PEX10: variants seen among roughly 807,000 people sequenced by gnomAD.
PEX10 encodes the protein peroxisomal biogenesis factor 10.
In PEX10, 32 loss-of-function variants were observed where a neutral mutation model predicts 38.0. That is an observed-to-expected ratio of 0.84 (90% confidence interval 0.63 to 1.13). The LOEUF is 1.13. Among genes scored for constraint, PEX10 ranks in the 50% most tolerant of loss-of-function variants. The pLI, the probability that PEX10 is intolerant of heterozygous loss-of-function variation, is 0.00. For missense variants in PEX10, 483 were observed against 457.7 expected (o/e 1.06, Z -0.51); for synonymous variants, 206 against 207.3 (o/e 0.99, Z 0.05).
upstream of PEX10, chr1:2,412,596 C>T (rs1046492921): frequency 1.4e-5 from 14 of 971,990 alleles, no homozygotes; most frequent in Middle Eastern, 3.7e-4. Flanking sequence ...GCTCTGCGTG[C>T]GGCGCAGACC....
chr1:2,412,823 G>T (rs1643311815), upstream of PEX10, among the ~76,000 whole-genome samples: 3 of 152,126 alleles, frequency 2.0e-5, no homozygotes, highest in African/African-American at 7.2e-5. Context: ...GGATGGGCTC[G>T]CGGCCGCGTG....
Position 2,405,312 on chromosome 1 carries a change from G to A in PEX10, c.*454C>T, listed in dbSNP as rs1215218702. The A allele has an allele frequency of 6.1e-6, 2 of 330,238 alleles. No individual in the cohort carries two copies. The highest frequency in any genetic ancestry group is 4.4e-5 in the Admixed American group (1 of 22,746). The allele number at this position is 330,238 out of a possible 1,614,324, so 20.5% of individuals were successfully genotyped here. ...GGCTGCTGTTCTCACTGCACTGGCT[G>A]AAGCAACCCGCCAGCCTCCGTGCCC... On this transcript the variant is annotated 3_prime_UTR_variant, in exon 6 of 6. Coordinates refer to ENST00000447513, the MANE Select transcript of PEX10 (RefSeq NM_002617.4).
Position 2,406,575 on chromosome 1 carries a change from G to C in PEX10, c.821C>G (p.Thr274Ser). The C allele has an allele frequency of 6.2e-7, 1 of 1,613,426 alleles. No homozygotes were observed. The highest frequency in any genetic ancestry group is 1.1e-5 in the South Asian group (1 of 91,084). The change falls in exon 5 of 6, where the codon ACC (threonine) becomes AGC (serine). Residue 274 changes from threonine (T) to serine (S), a missense_variant. Thr to Ser is a moderately conservative substitution (Grantham distance 58). Transcript: ENST00000447513. ...ERAVSRNPLCTLCLEERRHPT... is the reference protein window; with the variant it reads ...ERAVSRNPLCSLCLEERRHPT... ...GTGCCTGCGCTCCTCCAGGCACAGG[G>C]TGCACAGGGGGTTTCTGGAAACGGC...
At position 2,410,564 on chromosome 1, in the gene PEX10, G is replaced by A; in HGVS notation, c.113-113C>T. 1.1e-6 allele frequency: 1 copy of A among 889,456 alleles called. No individual in the cohort carries two copies. The highest frequency in any genetic ancestry group is 1.4e-5 in the South Asian group (1 of 71,008). 55.1% of individuals were successfully genotyped at this position (889,456 alleles called of 1,614,324 possible). ...CCAGATCCAGTCCCACCCCTTCCAT[G>A]AAGCCAACACTCACTCCCTGGCCTC... On this transcript the variant is annotated intron_variant, in intron 1 of 5. Transcript: ENST00000447513. This position sits in a 1 kb window ranked among gnomAD's most constrained non-coding sequence, Gnocchi z 5.1.
Position 2,409,792 on chromosome 1 carries a change from C to T in PEX10, c.193+579G>A, listed in dbSNP as rs866624096. On this transcript the variant is annotated intron_variant, in intron 2 of 5. Coordinates refer to ENST00000447513, the MANE Select transcript of PEX10 (RefSeq NM_002617.4). This position sits in a 1 kb window ranked among gnomAD's most constrained non-coding sequence, Gnocchi z 6.2. Reference sequence around the variant, plus strand: ...CTCTTCCCTAAGACGTGGTCTTTATCTCTGAGAGCCCCTCACTTCCCAAGA... The same window carrying T: ...CTCTTCCCTAAGACGTGGTCTTTATTTCTGAGAGCCCCTCACTTCCCAAGA... The T allele has an allele frequency of 6.3e-6, 1 of 157,762 alleles. No homozygotes were observed. Among genetic ancestry groups the T allele is most frequent in the South Asian group, 1.9e-4 (1 of 5,318 alleles). 9.8% of individuals were successfully genotyped at this position (157,762 alleles called of 1,614,324 possible). A position where few individuals can be genotyped will look rare whatever the true frequency, so the allele number is the denominator to read the frequency against.
Position 2,408,467 on chromosome 1 carries a change from G to A in PEX10, c.585C>T (p.Leu195=), listed in dbSNP as rs753617772. The part of the protein sequence containing the change: ...HGVFYHLAKR[L]TGITYLRVRS... ...TGCTACTTACGTACGTGATCCCCGT[G>A]AGCCTCTTGGCCAGGTGGTAGAAGA... Residue 195 remains leucine, a synonymous_variant, in exon 3 of 6, where the codon CTC becomes CTT. Transcript: ENST00000447513. The A allele has an allele frequency of 1.9e-6, 3 of 1,612,994 alleles. No individual in the cohort carries two copies. The South Asian group carries it at 3.3e-5, about 18-fold the overall frequency.
rs1642981160 is a variant in PEX10 at position 2,405,847 on chromosome 1, GAA to G, written c.913-15_913-14del. 1 of 1,581,822 alleles carries G rather than the reference GAA, an allele frequency of 6.3e-7. No individual in the cohort carries two copies. The highest frequency in any genetic ancestry group is 1.8e-5 in the Admixed American group (1 of 55,650). On this transcript the variant is annotated splice_polypyrimidine_tract_variant and intron_variant, in intron 5 of 5. Coordinates refer to ENST00000447513, the MANE Select transcript of PEX10 (RefSeq NM_002617.4). ...GGGGACACTCCGCCTGCGGAGAGGA[GAA>G]AGGGGGTCACAGCAGCTGGGGCCAC...
rs769251149 is a variant in PEX10, at chr1:2,406,606, C to T, written c.790G>A (p.Glu264Lys). 7 of 1,613,296 alleles carry T rather than the reference C, an allele frequency of 4.3e-6. No homozygotes were observed. Among genetic ancestry groups the T allele is most frequent in the African/African-American group, 1.3e-5 (1 of 74,944 alleles). ...GLSHRRASLEERAVSRNPLCT... is the reference protein window; with the variant it reads ...GLSHRRASLEKRAVSRNPLCT... ...AGGGGGTTTCTGGAAACGGCTCTCT[C>T]CTCCAAGGAGGCCCTGGGGAAGGTG... The change falls in exon 5 of 6, where the codon GAG becomes AAG. Residue 264 changes from glutamate (E) to lysine (K), a missense_variant. Coordinates refer to ENST00000447513, the MANE Select transcript of PEX10 (RefSeq NM_002617.4).
intron 3 of PEX10, among the ~76,000 whole-genome samples, chr1:2,407,842 G>T (rs1487144666): frequency 2.6e-5 from 4 of 152,162 alleles, no homozygotes; most frequent in Admixed American, 6.5e-5. Flanking sequence ...GGCTCTGGTG[G>T]GCCAGGGACT....
At position 2,410,367 on chromosome 1, in the gene PEX10, C is replaced by G; in HGVS notation, c.193+4G>C. ...CAGTCCTGAGGTCCCGTGGGAGCTT[C>G]TACCTGCAAGTGTGGTGAGGCCAAA... On this transcript the variant is annotated splice_donor_region_variant and intron_variant, in intron 2 of 5. Coordinates refer to ENST00000447513, the MANE Select transcript of PEX10 (RefSeq NM_002617.4). This position sits in a 1 kb window ranked among gnomAD's most constrained non-coding sequence, Gnocchi z 5.1. The G allele has an allele frequency of 6.2e-7, 1 of 1,613,688 alleles. No homozygotes were observed. Among genetic ancestry groups the G allele is most frequent in the Non-Finnish European group, 8.5e-7 (1 of 1,179,574 alleles).
At chr1:2,412,626 G>A, upstream of PEX10, 1 of 775,716 alleles carries the variant, frequency 1.3e-6, no homozygotes, top group Non-Finnish European at 1.7e-6. Context: ...AGGTGCTGGG[G>A]CGGGGCCGGA....
At chr1:2,412,921 G>T (rs763493320), upstream of PEX10, among the ~76,000 whole-genome samples, 6 of 152,228 alleles carry the variant, frequency 3.9e-5, no homozygotes, top group Non-Finnish European at 8.8e-5. Context: ...TGGGGACAGC[G>T]CTGCGGAGTG....
At chr1:2,411,530 G>A (rs1219355606) in intron 1 of PEX10, among the ~76,000 whole-genome samples, 1 of 148,552 alleles carries the variant, frequency 6.7e-6, no homozygotes, top group Non-Finnish European at 1.5e-5. Flanking sequence ...ACCACACCCG[G>A]CATCTTTTTT....
At chr1:2,406,200 A>G (rs948366801) in intron 5 of PEX10, among the ~76,000 whole-genome samples, 5 of 152,234 alleles carry the variant, frequency 3.3e-5, no homozygotes, top group Middle Eastern at 3.4e-3. Context: ...GGACCCCGGG[A>G]GGAAGGGTGT....
At position 2,406,898 on chromosome 1, in the gene PEX10, GTA is replaced by G; in HGVS notation, c.601-5_601-4del. 1 of 1,608,034 alleles carries G rather than the reference GTA, an allele frequency of 6.2e-7. No individual in the cohort carries two copies. The highest frequency in any genetic ancestry group is 8.5e-7 in the Non-Finnish European group (1 of 1,177,574). On this transcript the variant is annotated splice_polypyrimidine_tract_variant and splice_region_variant and intron_variant, in intron 3 of 5. Transcript: ENST00000447513. ...CCGGGCAGGCTGCGGACACGGAGCT[GTA>G]AGGCAGATGGCGCCACACTCATCAG...
chr1:2,404,309 A>C lies in PEX10; in HGVS notation c.*1457T>G, dbSNP rs960411014. 1 of 152,270 alleles carries C rather than the reference A, an allele frequency of 6.6e-6. No individual in the cohort carries two copies. Among genetic ancestry groups the C allele is most frequent in the African/African-American group, 2.4e-5 (1 of 41,464 alleles). 9.4% of individuals were successfully genotyped at this position (152,270 alleles called of 1,614,324 possible). ...CAAGCTTGTGTGTCCCTGACCCAAG[A>C]TAGCCAGTGCTGCTCCCAGGTGGTA... On this transcript the variant is annotated 3_prime_UTR_variant, in exon 6 of 6. Transcript: ENST00000447513.
rs1234556030 is a variant in PEX10 at position 2,410,750 on chromosome 1, G to A, written c.113-299C>T. On this transcript the variant is annotated intron_variant, in intron 1 of 5. Transcript: ENST00000447513. This position sits in a 1 kb window ranked among gnomAD's most constrained non-coding sequence, Gnocchi z 5.1. ...GGGCCACATGGAAAGATGGTCTGGG[G>A]TATTAAGATTACAGGCCAGAGGCCA... 2 of 517,404 alleles carry A rather than the reference G, an allele frequency of 3.9e-6. No homozygotes were observed. Among genetic ancestry groups the A allele is most frequent in the East Asian group, 5.2e-5 (1 of 19,324 alleles). The allele number at this position is 517,404 out of a possible 1,614,324, so 32.1% of individuals were successfully genotyped here. A position where few individuals can be genotyped will look rare whatever the true frequency, so the allele number is the denominator to read the frequency against.
At position 2,406,492 on chromosome 1, in the gene PEX10, T is replaced by G. The variant is rs1336552316; in HGVS notation, c.904A>C (p.Ser302Arg). 1 of 1,612,192 alleles carries G rather than the reference T, an allele frequency of 6.2e-7. No individual in the cohort carries two copies. The highest frequency in any genetic ancestry group is 1.1e-5 in the South Asian group (1 of 91,056). The part of the protein sequence containing the change: ...FCWECITAWC[S>R]SKAECPLCRE... ...GCAGGCTCCCACCTCACCTTGCTGC[T>G]GCACCACGCGGTGATGCACTCCCAG... The change falls in exon 5 of 6, where the codon AGC becomes CGC. Residue 302 changes from serine to arginine, a missense_variant. Transcript: ENST00000447513.
At chr1:2,408,924 C>G (rs760844335) in intron 2 of PEX10, 66 bp from the exon 3 acceptor site, 40 of 1,522,728 alleles carry the variant, frequency 2.6e-5, no homozygotes, top group Non-Finnish European at 3.5e-5. Context: ...TCCCGGCGCC[C>G]CTGCCAGCCG....
Sources: allele counts gnomAD v4.1 joint callset (sites outside exome capture counted in the v4.1 genomes callset), GRCh38; gene constraint gnomAD v4.1.1; non-coding constraint Gnocchi (gnomAD v3.1); transcripts MANE v1.5; gene names NCBI Gene and HGNC (gene_info 2026-07-23, HGNC 2026-07-21).